SLC14A2: variants seen among roughly 807,000 people sequenced by gnomAD.
SLC14A2 encodes urea transporter 2.
A neutral mutation model predicts 104.6 loss-of-function variants in SLC14A2; 91 were observed. The observed-to-expected ratio is 0.87, with a 90% confidence interval of 0.73 to 1.04. The LOEUF (loss-of-function observed/expected upper bound fraction) is 1.04, where lower values mean the gene tolerates loss of function less well. Among genes scored for constraint, SLC14A2 ranks in the 50% least tolerant of loss-of-function variants. The pLI is 0.00. For missense variants in SLC14A2, 1,189 were observed against 1,156.0 expected (o/e 1.03, Z -0.41); for synonymous variants, 476 against 466.4 (o/e 1.02, Z -0.27).
chr18:45,313,597 G>C (rs1203357283), intron 1 of SLC14A2, among the ~76,000 whole-genome samples: 1 of 152,158 alleles, frequency 6.6e-6, no homozygotes, highest in South Asian at 2.1e-4. Flanking sequence ...TCAAATCCTA[G>C]TTCTAGCTCA....
At chr18:45,392,553 A>G (rs2085982266) in intron 1 of SLC14A2, among the ~76,000 whole-genome samples, 2 of 152,232 alleles carry the variant, frequency 1.3e-5, no homozygotes, top group Non-Finnish European at 2.9e-5. Flanking sequence ...TTTAGATGTT[A>G]TATACCATGC....
chr18:45,534,354 T>A (rs56299422), intron 2 of SLC14A2, among the ~76,000 whole-genome samples: 21 of 151,934 alleles, frequency 1.4e-4, no homozygotes, highest in African/African-American at 5.1e-4. Context: ...AAATTTATAG[T>A]CAAAAGGAAA....
chr18:45,657,546 AAG>A (rs994423550), intron 10 of SLC14A2, among the ~76,000 whole-genome samples: 2 of 151,218 alleles, frequency 1.3e-5, no homozygotes, highest in African/African-American at 2.4e-5. Flanking sequence ...AAGGAAAGAA[AAG>A]AGAGAGAGAA....
intron 10 of SLC14A2, among the ~76,000 whole-genome samples, chr18:45,645,198 A>C (rs1371030582): frequency 6.6e-6 from 1 of 152,192 alleles, no homozygotes; most frequent in Non-Finnish European, 1.5e-5. Context: ...ATATGAACTC[A>C]TTCTTTTTAT....
At chr18:45,577,278 A>T (rs1356151768) in intron 2 of SLC14A2, among the ~76,000 whole-genome samples, 1 of 152,112 alleles carries the variant, frequency 6.6e-6, no homozygotes, top group African/African-American at 2.4e-5. Flanking sequence ...CTCCAAAGCT[A>T]CAGAGCTTTG....
intron 2 of SLC14A2, chr18:45,550,131 C>A (rs1381422168): frequency 6.6e-6 from 1 of 152,138 alleles, no homozygotes; most frequent in African/African-American, 2.4e-5. Flanking sequence ...AACTCACAGA[C>A]CTCATTACCA....
At chr18:45,638,120 C>G (rs2144545323) in intron 6 of SLC14A2, among the ~76,000 whole-genome samples, 1 of 152,312 alleles carries the variant, frequency 6.6e-6, no homozygotes, top group Admixed American at 6.5e-5. Context: ...CTCCCCTCAG[C>G]ATCCCGCATT....
At chr18:45,223,784 G>T (rs962154193) in intron 1 of SLC14A2, among the ~76,000 whole-genome samples, 9 of 152,220 alleles carry the variant, frequency 5.9e-5, no homozygotes, top group Non-Finnish European at 1.2e-4. Context: ...GAGCCCTGAG[G>T]TGGGGCTTTG....
intron 1 of SLC14A2, among the ~76,000 whole-genome samples, chr18:45,475,629 TATATATATTTAGG>T (rs1275718101): frequency 2.0e-4 from 11 of 55,980 alleles, no homozygotes; most frequent in East Asian, 4.8e-4. Flanking sequence ...GATATATATA[TATATATATTTAGG>T]ATATATATAT....
intron 1 of SLC14A2, among the ~76,000 whole-genome samples, chr18:45,295,014 C>T (rs748000387): frequency 3.3e-5 from 5 of 152,210 alleles, no homozygotes; most frequent in Admixed American, 1.3e-4. Context: ...TTCCTTTACT[C>T]ATTTACATAC....
At chr18:45,299,552 C>T (rs1467898977) in intron 1 of SLC14A2, among the ~76,000 whole-genome samples, 1 of 152,210 alleles carries the variant, frequency 6.6e-6, no homozygotes, top group Non-Finnish European at 1.5e-5. Context: ...ACCTCTGCCT[C>T]CCGGGTTCAA....
At chr18:45,591,987 C>A (rs575928042) in intron 2 of SLC14A2, among the ~76,000 whole-genome samples, 1 of 152,266 alleles carries the variant, frequency 6.6e-6, no homozygotes, top group South Asian at 2.1e-4. Context: ...TCTTCAGCAG[C>A]ATGCAATAGC....
intron 1 of SLC14A2, among the ~76,000 whole-genome samples, chr18:45,234,540 A>C (rs890152531): frequency 6.6e-6 from 1 of 152,206 alleles, no homozygotes; most frequent in Admixed American, 6.5e-5. Context: ...AAAATTTTGG[A>C]GGTAAAGCTA....
intron 2 of SLC14A2, among the ~76,000 whole-genome samples, chr18:45,553,727 G>A (rs960681811): frequency 6.6e-6 from 1 of 152,182 alleles, no homozygotes; most frequent in Non-Finnish European, 1.5e-5. Flanking sequence ...CCAGATGTGG[G>A]AAGGACAGAC....
In SLC14A2 at chr18:45,641,423, A is replaced by G. The variant is rs2045526689; in HGVS notation, c.1126+80A>G. 7 of 1,483,384 alleles carry G rather than the reference A, an allele frequency of 4.7e-6. No homozygotes were observed. The Middle Eastern group carries it at 1.2e-3, about 257-fold the overall frequency. 91.9% of individuals were successfully genotyped at this position (1,483,384 alleles called of 1,614,324 possible). On this transcript the variant is annotated intron_variant, in intron 8 of 19. Coordinates refer to ENST00000255226, the MANE Select transcript of SLC14A2 (RefSeq NM_007163.4). ...TGTTTATGTGAAACCCATGGGGACC[A>G]CTAATCAATACTGTTCAGCAGTGAC... is the stretch of plus-strand genomic sequence containing the variant.
chr18:45,628,399 G>A (rs552273104), intron 4 of SLC14A2, among the ~76,000 whole-genome samples: 9 of 148,936 alleles, frequency 6.0e-5, no homozygotes, highest in Middle Eastern at 3.6e-3. Flanking sequence ...AGCCGAGATC[G>A]CACCACTACA....
chr18:45,310,515 AGTTAGAATT>A (rs2085068014), intron 1 of SLC14A2, among the ~76,000 whole-genome samples: 1 of 152,232 alleles, frequency 6.6e-6, no homozygotes, highest in Non-Finnish European at 1.5e-5. Context: ...CTTTGGCAGG[AGTTAGAATT>A]TGGTCCACTG....
intron 2 of SLC14A2, among the ~76,000 whole-genome samples, chr18:45,537,119 G>C (rs2043805194): frequency 6.9e-6 from 1 of 144,586 alleles, no homozygotes; most frequent in Non-Finnish European, 1.5e-5. Context: ...TTATTTGCCA[G>C]GCACATTGTC....
intron 2 of SLC14A2, among the ~76,000 whole-genome samples, chr18:45,494,558 C>T (rs2043058279): frequency 6.6e-6 from 1 of 152,020 alleles, no homozygotes; most frequent in South Asian, 2.1e-4. Context: ...CCACCATGCC[C>T]AGAAAAAAAA....
Sources: allele counts gnomAD v4.1 joint callset (sites outside exome capture counted in the v4.1 genomes callset), GRCh38; gene constraint gnomAD v4.1.1; transcripts MANE v1.5; gene names NCBI Gene and HGNC (gene_info 2026-07-23, HGNC 2026-07-21).